Variants in PTPRD observed in about 807,000 individuals in gnomAD.
PTPRD encodes the protein protein tyrosine phosphatase receptor type D, also known as receptor-type tyrosine-protein phosphatase delta.
Under a neutral mutation model 214.5 loss-of-function variants are expected in PTPRD, and 34 were observed. The ratio of observed to expected loss-of-function variants is 0.16; its 90% confidence interval spans 0.12 to 0.21. PTPRD has a LOEUF of 0.21. Ranked by LOEUF, PTPRD falls within the 10% of genes least tolerant of loss-of-function variation. The pLI, the probability that PTPRD is intolerant of heterozygous loss-of-function variation, is 1.00. For synonymous variants in PTPRD, 1,128 were observed against 845.7 expected, an observed-to-expected ratio of 1.33 and a Z score of -5.79; for missense variants, 2,545 against 2,398.7, an observed-to-expected ratio of 1.06 and a Z score of -1.27.
chr9:9,665,782 C>T (rs2096710231), intron 7 of PTPRD, among the ~76,000 whole-genome samples: 1 of 151,834 alleles, frequency 6.6e-6, no homozygotes, highest in Non-Finnish European at 1.5e-5. Context: ...TTTAACGTAA[C>T]ACTCCCTTCA....
At chr9:9,522,674 A>G (rs998610862) in intron 8 of PTPRD, among the ~76,000 whole-genome samples, 14 of 152,136 alleles carry the variant, frequency 9.2e-5, no homozygotes, top group African/African-American at 3.4e-4. Context: ...TCTAATCATA[A>G]TAAAAAAGAA....
intron 5 of PTPRD, among the ~76,000 whole-genome samples, chr9:9,778,098 T>C (rs2098812918): frequency 6.6e-6 from 1 of 152,128 alleles, no homozygotes; most frequent in South Asian, 2.1e-4. Flanking sequence ...GATCCAGTTA[T>C]TGACTAAACT....
At chr9:10,042,579 T>C (rs567622076) in intron 3 of PTPRD, among the ~76,000 whole-genome samples, 6 of 151,896 alleles carry the variant, frequency 4.0e-5, no homozygotes, top group Non-Finnish European at 5.9e-5. Context: ...GCAGAGCTAC[T>C]AGCAGGACTA....
chr9:10,094,539 C>CTT (rs5896370), intron 3 of PTPRD, among the ~76,000 whole-genome samples: 9 of 121,150 alleles, frequency 7.4e-5, no homozygotes, highest in South Asian at 5.0e-4. Flanking sequence ...TTCTTTCTTT[C>CTT]TTTTTTTTTT....
In PTPRD at chr9:10,111,364, A is replaced by G. The variant is rs367783572; in HGVS notation, c.-544-77574T>C. Among the ~76,000 whole-genome samples the G allele has an allele frequency of 4.6e-3, 620 of 135,700 alleles. 2 individuals carry two copies. Among genetic ancestry groups the G allele is most frequent in the Admixed American group, 9.7e-3 (121 of 12,494 alleles). The allele number at this position is 135,700 out of a possible 152,430, so 89.0% of individuals were successfully genotyped here. ...TGCCATTCTCCTGCCTCAGCCTCCC[A>G]AGTAGCTGGGACTACAGGCGCCCGC... On this transcript the variant is annotated intron_variant, in intron 3 of 45. Coordinates refer to ENST00000381196, the MANE Select transcript of PTPRD (RefSeq NM_002839.4).
At chr9:8,556,008 T>G (rs1223379523) in intron 14 of PTPRD, among the ~76,000 whole-genome samples, 1 of 152,196 alleles carries the variant, frequency 6.6e-6, no homozygotes, top group Non-Finnish European at 1.5e-5. Flanking sequence ...GTAAAAAATG[T>G]GTCTTGGCGG....
chr9:8,330,370 CTAAA>C (rs926596961), intron 44 of PTPRD, among the ~76,000 whole-genome samples: 1 of 151,892 alleles, frequency 6.6e-6, no homozygotes, highest in African/African-American at 2.4e-5. Context: ...CTATTGCACA[CTAAA>C]TAGACTATAG....
chr9:9,825,912 T>C (rs2052660971), intron 5 of PTPRD, among the ~76,000 whole-genome samples: 1 of 151,770 alleles, frequency 6.6e-6, no homozygotes. Flanking sequence ...CTTTAAGATC[T>C]ATTATTTTAT....
intron 2 of PTPRD, among the ~76,000 whole-genome samples, chr9:10,529,001 G>C (rs1251265447): frequency 1.3e-5 from 2 of 152,042 alleles, no homozygotes; most frequent in Non-Finnish European, 2.9e-5. Context: ...AAAAATTTAT[G>C]GCTTAGGTTT....
At chr9:10,235,578 A>T (rs965169089) in intron 3 of PTPRD, among the ~76,000 whole-genome samples, 2 of 151,964 alleles carry the variant, frequency 1.3e-5, no homozygotes, top group Admixed American at 1.3e-4. Flanking sequence ...CTGCAGGAAA[A>T]CAAATGCTGG....
At chr9:10,036,696 T>C (rs2097189259) in intron 3 of PTPRD, among the ~76,000 whole-genome samples, 2 of 152,020 alleles carry the variant, frequency 1.3e-5, no homozygotes, top group African/African-American at 4.8e-5. Flanking sequence ...GTGATTCTCC[T>C]ACCTCAGCCT....
At chr9:9,002,099 T>G (rs1026592380) in intron 11 of PTPRD, among the ~76,000 whole-genome samples, 1 of 151,962 alleles carries the variant, frequency 6.6e-6, no homozygotes, top group African/African-American at 2.4e-5. Flanking sequence ...AAAAGATTTT[T>G]TCCCTGTTTT....
intron 7 of PTPRD, among the ~76,000 whole-genome samples, chr9:9,656,677 T>C (rs2096523983): frequency 6.6e-6 from 1 of 152,306 alleles, no homozygotes; most frequent in East Asian, 1.9e-4. Flanking sequence ...ACAGTCTGTA[T>C]GATACTATAA....
At position 8,711,025 on chromosome 9, in the gene PTPRD, G is replaced by A. The variant is rs187592363; in HGVS notation, c.64+22755C>T. On this transcript the variant is annotated intron_variant, in intron 12 of 45. Coordinates refer to ENST00000381196, the MANE Select transcript of PTPRD (RefSeq NM_002839.4). The stretch of plus-strand genomic sequence containing the variant: ...TATGTAATTAATGCTAGATGTGAAA[G>A]TATCTTACTTTATTTTAATGTCAGA... Among the ~76,000 whole-genome samples the A allele has an allele frequency of 9.2e-3, 1,402 of 152,108 alleles. 31 individuals carry two copies. Among genetic ancestry groups the A allele is most frequent in the African/African-American group, 0.032 (1,325 of 41,512 alleles).
At chr9:9,980,178 T>C (rs1413961288) in intron 4 of PTPRD, among the ~76,000 whole-genome samples, 3 of 152,130 alleles carry the variant, frequency 2.0e-5, no homozygotes, top group Admixed American at 6.6e-5. Flanking sequence ...TACTAGCTAT[T>C]TTGATAAACA....
At chr9:9,854,043 CATT>C (rs1179186778) in intron 5 of PTPRD, among the ~76,000 whole-genome samples, 11 of 152,160 alleles carry the variant, frequency 7.2e-5, no homozygotes, top group South Asian at 6.2e-4. Flanking sequence ...TAAAAATATA[CATT>C]ATCATTAACT....
At chr9:9,418,547 CCTAG>C (rs1470759155) in intron 8 of PTPRD, among the ~76,000 whole-genome samples, 1 of 151,992 alleles carries the variant, frequency 6.6e-6, no homozygotes, top group Non-Finnish European at 1.5e-5. Flanking sequence ...TTGAAAGCGA[CCTAG>C]CTATTTCGTA....
chr9:9,114,322 G>T (rs566850752), intron 10 of PTPRD, among the ~76,000 whole-genome samples: 23 of 152,246 alleles, frequency 1.5e-4, no homozygotes, highest in African/African-American at 5.3e-4. Flanking sequence ...ATGAAACAAT[G>T]AATGTGCTGA....
At chr9:10,203,920 G>A (rs1373116692) in intron 3 of PTPRD, among the ~76,000 whole-genome samples, 1 of 152,162 alleles carries the variant, frequency 6.6e-6, no homozygotes, top group Non-Finnish European at 1.5e-5. Context: ...CAAAGTTGAA[G>A]CTAAATCCTA....
Sources: gnomAD v4.1 joint callset for allele counts (sites outside exome capture counted in the v4.1 genomes callset) on GRCh38, gnomAD v4.1.1 for gene constraint, MANE v1.5 for transcripts, NCBI Gene and HGNC (gene_info 2026-07-23, HGNC 2026-07-21) for gene names.